Variants in KCNJ16 observed in about 807,000 individuals in gnomAD.
The protein encoded by KCNJ16 is inward rectifier potassium channel 16.
KCNJ16 carries 15 observed loss-of-function variants against 18.5 expected under a neutral mutation model. The ratio of observed to expected loss-of-function variants is 0.81; its 90% CI spans 0.54 to 1.25. The LOEUF is 1.25. Among genes scored for constraint, KCNJ16 ranks in the 50% most tolerant of loss-of-function variants. KCNJ16 has a pLI of 0.00. For synonymous variants in KCNJ16, 174 were observed against 186.5 expected (o/e 0.93, Z 0.55); for missense variants, 523 against 525.7 (o/e 0.99, Z 0.05).
At chr17:70,093,918 CA>C (rs1345360408) in intron 1 of KCNJ16, among the ~76,000 whole-genome samples, 4 of 135,816 alleles carry the variant, frequency 2.9e-5, no homozygotes, top group Non-Finnish European at 6.5e-5. Flanking sequence ...GTACAGATAA[CA>C]AAAAATAGAA....
chr17:70,089,987 T>A (rs556873140), intron 1 of KCNJ16, among the ~76,000 whole-genome samples: 74 of 152,324 alleles, frequency 4.9e-4, no homozygotes, highest in Non-Finnish European at 5.9e-5. Flanking sequence ...TCCACTTCCA[T>A]CCAGCCTCAA....
At chr17:70,106,869 T>C (rs1029807103) in intron 2 of KCNJ16, among the ~76,000 whole-genome samples, 1 of 152,134 alleles carries the variant, frequency 6.6e-6, no homozygotes, top group Non-Finnish European at 1.5e-5. Context: ...TGTGCGTGCA[T>C]AGTTTAACAG....
At chr17:70,080,195 C>T (rs1394293842) in intron 1 of KCNJ16, among the ~76,000 whole-genome samples, 1 of 152,060 alleles carries the variant, frequency 6.6e-6, no homozygotes, top group Non-Finnish European at 1.5e-5. Flanking sequence ...ACATAATTTC[C>T]TCCATGTTTT....
intron 2 of KCNJ16, among the ~76,000 whole-genome samples, chr17:70,119,901 A>G (rs755881032): frequency 6.6e-6 from 1 of 152,178 alleles, no homozygotes; most frequent in Non-Finnish European, 1.5e-5. Flanking sequence ...TTGGCTCCCC[A>G]AAAAGCCTTT....
chr17:70,105,108 A>G (rs892175484), intron 2 of KCNJ16: 5 of 152,352 alleles, frequency 3.3e-5, no homozygotes, highest in African/African-American at 9.7e-5. Context: ...AAGTGTTCCA[A>G]GCTTGAACTA....
At chr17:70,087,110 G>A (rs1170217684) in intron 1 of KCNJ16, among the ~76,000 whole-genome samples, 3 of 147,392 alleles carry the variant, frequency 2.0e-5, no homozygotes, top group East Asian at 2.0e-4. Context: ...GTTTCTCCAT[G>A]TTGGTCAGGC....
At chr17:70,078,878 C>G (rs1009323098) in intron 1 of KCNJ16, among the ~76,000 whole-genome samples, 1 of 152,154 alleles carries the variant, frequency 6.6e-6, no homozygotes, top group Non-Finnish European at 1.5e-5. Context: ...TATTGTCCTG[C>G]GTGTGCTTGT....
At chr17:70,129,898 TTTCATTTATTTATTTA>T (rs942443196) in intron 2 of KCNJ16, among the ~76,000 whole-genome samples, 3 of 141,552 alleles carry the variant, frequency 2.1e-5, no homozygotes, top group African/African-American at 8.1e-5. Context: ...AAATAAAACC[TTTCATTTATTTATTTA>T]TTTATTTATT....
intron 2 of KCNJ16, among the ~76,000 whole-genome samples, chr17:70,103,341 T>G (rs1298357044): frequency 1.6e-5 from 1 of 62,168 alleles, no homozygotes; most frequent in Non-Finnish European, 3.5e-5. Context: ...TATATATATA[T>G]TTTTTTGTCA....
chr17:70,078,260 T>A (rs866286479), intron 1 of KCNJ16, among the ~76,000 whole-genome samples: 1 of 152,130 alleles, frequency 6.6e-6, no homozygotes, highest in East Asian at 1.9e-4. Context: ...TAAAACTAGA[T>A]CTGAAACTGC....
intron 2 of KCNJ16, among the ~76,000 whole-genome samples, chr17:70,116,622 TAAC>T (rs889392738): frequency 7.2e-5 from 11 of 152,246 alleles, no homozygotes; most frequent in African/African-American, 2.6e-4. Flanking sequence ...ATTATAGCCT[TAAC>T]AAATTTAATT....
chr17:70,075,887 C>G (rs905899451), intron 1 of KCNJ16, among the ~76,000 whole-genome samples: 2 of 151,760 alleles, frequency 1.3e-5, no homozygotes, highest in Non-Finnish European at 2.9e-5. Context: ...AATAAGAGAT[C>G]TATTTTTTCT....
intron 1 of KCNJ16, among the ~76,000 whole-genome samples, chr17:70,096,295 T>C (rs1306186510): frequency 6.6e-6 from 1 of 152,180 alleles, no homozygotes. Context: ...AGAGGTCATA[T>C]GACATTTGCC....
intron 2 of KCNJ16, chr17:70,108,227 T>C (rs747856013): frequency 7.2e-5 from 11 of 152,232 alleles, no homozygotes; most frequent in Non-Finnish European, 1.3e-4. Context: ...TGGTGTTCAA[T>C]AAAAGCTTTG....
rs146289278 is a variant in KCNJ16 at position 70,132,446 on chromosome 17, G to A, written c.359G>A (p.Gly120Glu). 3.8e-5 allele frequency: 62 copies of A among 1,613,902 alleles called. No individual in the cohort carries two copies. The African/African-American group carries it at 6.7e-4, about 17-fold the overall frequency. The change falls in exon 4 of 4, where the codon GGG becomes GAG. Residue 120 changes from glycine (G) to glutamate (E), a missense_variant. Transcript: ENST00000392671. ...GTTGACAACGTCCATTCTTTCACAG[G>A]GGCCTTTTTGTTCTCCCTAGAGACC... is the stretch of plus-strand genomic sequence containing the variant. The part of the protein sequence containing the change: ...PCVDNVHSFT[G>E]AFLFSLETQT...
chr17:70,081,266 G>C (rs2071541597), intron 1 of KCNJ16, among the ~76,000 whole-genome samples: 1 of 152,118 alleles, frequency 6.6e-6, no homozygotes, highest in Admixed American at 6.6e-5. Flanking sequence ...TGGCTAATTT[G>C]AACAAATTAT....
At chr17:70,108,961 G>A (rs944598624) in intron 2 of KCNJ16, among the ~76,000 whole-genome samples, 1 of 151,946 alleles carries the variant, frequency 6.6e-6, no homozygotes, top group Non-Finnish European at 1.5e-5. Context: ...CCGTGGGATG[G>A]GTCATTCCTA....
At chr17:70,131,383 T>C (rs1479061156) in intron 3 of KCNJ16, 3 of 1,033,446 alleles carry the variant, frequency 2.9e-6, no homozygotes, top group East Asian at 8.6e-5. Context: ...GAAATGAGTT[T>C]AATGTGAAGT....
chr17:70,096,270 T>C lies in KCNJ16; in HGVS notation c.-299-4388T>C, dbSNP rs573080460. On this transcript the variant is annotated intron_variant, in intron 1 of 3. Coordinates refer to ENST00000392671, the MANE Select transcript of KCNJ16 (RefSeq NM_170741.4). ...CAGTCTGATTTGGGTGGTTGTTTTC[T>C]TTGTGGAACTACTTAGAGGTCATAT... Among the ~76,000 whole-genome samples the C allele has an allele frequency of 1.1e-4, 16 of 152,226 alleles. No individual in the cohort carries two copies. In the South Asian group the frequency reaches 2.1e-3, roughly 20 times the overall value.
Sources: gnomAD v4.1 joint callset for allele counts (sites outside exome capture counted in the v4.1 genomes callset) on GRCh38, gnomAD v4.1.1 for gene constraint, MANE v1.5 for transcripts, NCBI Gene and HGNC (gene_info 2026-07-23, HGNC 2026-07-21) for gene names.